GAS7: variants seen among roughly 807,000 people sequenced by gnomAD.
GAS7 encodes the protein growth arrest specific 7.
A neutral mutation model predicts 71.1 loss-of-function variants in GAS7; 28 were observed. That is an observed-to-expected ratio of 0.39 (90% confidence interval 0.29 to 0.54). The LOEUF (loss-of-function observed/expected upper bound fraction) is 0.54. GAS7 is among the 20% of genes least tolerant of loss of function. The probability of loss-of-function intolerance (pLI) is 0.62; values close to 1 mark genes in which losing one functional copy is unlikely to be tolerated. For missense variants in GAS7, 436 were observed against 627.8 expected, an observed-to-expected ratio of 0.69 and a Z score of 3.27; for synonymous variants, 258 against 245.8, an observed-to-expected ratio of 1.05 and a Z score of -0.46.
In GAS7 at chr17:9,946,284, G is replaced by A. The variant is rs570957639; in HGVS notation, c.615+610C>T. Among the ~76,000 whole-genome samples the A allele has an allele frequency of 2.6e-5, 4 of 152,142 alleles. No homozygotes were observed. The East Asian group carries it at 5.8e-4, about 22-fold the overall frequency. ...GAAAAAAATACATCTAGCACACAAC[G>A]GACCATTTTAGCCATTTTTAAGAAT... On this transcript the variant is annotated intron_variant, in intron 6 of 13. Transcript: ENST00000432992.
At position 10,115,731 on chromosome 17, in the gene GAS7, T is replaced by C. The variant is rs117852062; in HGVS notation, c.183+82477A>G. On this transcript the variant is annotated intron_variant, in intron 1 of 13. Coordinates refer to ENST00000432992, the MANE Select transcript of GAS7 (RefSeq NM_201433.2). The stretch of plus-strand genomic sequence containing the variant: ...CTACTGTTGTTAACAACAAGACAAA[T>C]CCTTTGGTCTCCCCCGCCCCTAGTC... Among the ~76,000 whole-genome samples, 1,117 of 152,242 alleles carry C rather than the reference T, an allele frequency of 7.3e-3. 16 individuals carry two copies. Among genetic ancestry groups the C allele is most frequent in the Admixed American group, 0.022 (336 of 15,298 alleles).
chr17:10,049,617 T>C lies in GAS7; in HGVS notation c.184-29720A>G, dbSNP rs1223814383. Among the ~76,000 whole-genome samples, 604 of 125,260 alleles carry C rather than the reference T, an allele frequency of 4.8e-3. 28 individuals are homozygous for C. The highest frequency in any genetic ancestry group is 0.017 in the African/African-American group (569 of 32,554). The allele number at this position is 125,260 out of a possible 152,430, so 82.2% of individuals were successfully genotyped here. A position where few individuals can be genotyped will look rare whatever the true frequency, so the allele number is the denominator to read the frequency against. On this transcript the variant is annotated intron_variant, in intron 1 of 13. Coordinates refer to ENST00000432992, the MANE Select transcript of GAS7 (RefSeq NM_201433.2). ...GTGTTTTGAAATTACTTCTTTTTTT[T>C]TTTTTTTTTTTTTTTTTTTTTGAGA... is the stretch of plus-strand genomic sequence containing the variant.
intron 1 of GAS7, among the ~76,000 whole-genome samples, chr17:10,068,279 G>A (rs2073303647): frequency 1.3e-5 from 2 of 151,992 alleles, no homozygotes; most frequent in Non-Finnish European, 2.9e-5. Context: ...GAACTTCTGC[G>A]GAACCTTTGC....
chr17:10,120,749 G>A (rs1004903785), intron 1 of GAS7, among the ~76,000 whole-genome samples: 2 of 152,114 alleles, frequency 1.3e-5, no homozygotes, highest in Non-Finnish European at 2.9e-5. Flanking sequence ...AAAGCACAGC[G>A]AAGATTCTCA....
At chr17:10,021,775 G>T (rs2072277726) in intron 1 of GAS7, among the ~76,000 whole-genome samples, 1 of 152,204 alleles carries the variant, frequency 6.6e-6, no homozygotes, top group African/African-American at 2.4e-5. Context: ...GACTCTCCAG[G>T]ATTGGAAGAT....
At chr17:10,174,592 C>T (rs373066508) in intron 1 of GAS7, among the ~76,000 whole-genome samples, 8 of 151,818 alleles carry the variant, frequency 5.3e-5, no homozygotes, top group Middle Eastern at 3.4e-3. Flanking sequence ...CTCGGGAGGC[C>T]GAGGCAGGAG....
chr17:10,040,233 A>G (rs1419319055), intron 1 of GAS7, among the ~76,000 whole-genome samples: 5 of 152,226 alleles, frequency 3.3e-5, no homozygotes, highest in Non-Finnish European at 7.3e-5. Context: ...CACAGGGGCA[A>G]TATTCTAGGC....
chr17:9,950,258 A>T (rs2068952948), intron 5 of GAS7, among the ~76,000 whole-genome samples: 1 of 152,190 alleles, frequency 6.6e-6, no homozygotes, highest in East Asian at 1.9e-4. Context: ...CTGTAATCCC[A>T]AGACTTTGGG....
chr17:9,972,372 C>A (rs2070005362), intron 3 of GAS7, among the ~76,000 whole-genome samples: 1 of 152,224 alleles, frequency 6.6e-6, no homozygotes, highest in South Asian at 2.1e-4. Flanking sequence ...ATACACCCTA[C>A]AACGAGGGCA....
intron 1 of GAS7, among the ~76,000 whole-genome samples, chr17:10,082,435 T>C (rs549420566): frequency 1.3e-5 from 2 of 152,154 alleles, no homozygotes; most frequent in East Asian, 1.9e-4. Context: ...TTCAGGAAAA[T>C]ACAAGATAAA....
Position 9,969,642 on chromosome 17 carries a change from G to A in GAS7, c.471+35C>T, listed in dbSNP as rs776210187. 7.8e-7 allele frequency: 1 copy of A among 1,283,466 alleles called. No homozygotes were observed. Among genetic ancestry groups the A allele is most frequent in the Non-Finnish European group, 1.1e-6 (1 of 878,440 alleles). 79.5% of individuals were successfully genotyped at this position (1,283,466 alleles called of 1,614,324 possible). ...GCAGTTTCCTAGGCCTGCAGAAGCA[G>A]TGACCGCTATACCTCCCTCAACAGG... On this transcript the variant is annotated intron_variant, in intron 4 of 13. Transcript: ENST00000432992. The surrounding 1 kb of genome is among the most constrained non-coding windows in gnomAD (Gnocchi z 5.5).
intron 2 of GAS7, among the ~76,000 whole-genome samples, chr17:9,989,225 C>A (rs1251790442): frequency 6.6e-6 from 1 of 152,060 alleles, no homozygotes; most frequent in African/African-American, 2.4e-5. Flanking sequence ...CATTTTCTGG[C>A]CACACTCACC....
intron 1 of GAS7, among the ~76,000 whole-genome samples, chr17:10,088,144 C>T (rs947053005): frequency 5.3e-5 from 8 of 151,340 alleles, no homozygotes; most frequent in African/African-American, 1.9e-4. Flanking sequence ...TCAGTTGAAC[C>T]CAGGAGGCGG....
At chr17:10,148,489 A>G (rs2074138382) in intron 1 of GAS7, among the ~76,000 whole-genome samples, 3 of 150,554 alleles carry the variant, frequency 2.0e-5, no homozygotes, top group Admixed American at 6.6e-5. Flanking sequence ...GTGGTGGTGC[A>G]TGCCTGTAGT....
At chr17:10,031,184 C>T (rs570812414) in intron 1 of GAS7, among the ~76,000 whole-genome samples, 1 of 152,350 alleles carries the variant, frequency 6.6e-6, no homozygotes, top group South Asian at 2.1e-4. Flanking sequence ...AGCCACCCTG[C>T]AAACCCCCAG....
At chr17:10,007,379 C>T (rs906610484) in intron 2 of GAS7, among the ~76,000 whole-genome samples, 2 of 152,064 alleles carry the variant, frequency 1.3e-5, no homozygotes, top group African/African-American at 4.8e-5. Flanking sequence ...ATTCCCAGCA[C>T]TTTGAGAGGG....
chr17:9,954,886 G>A (rs1424827665), intron 5 of GAS7, among the ~76,000 whole-genome samples: 2 of 152,158 alleles, frequency 1.3e-5, no homozygotes, highest in African/African-American at 4.8e-5. Flanking sequence ...CAGTCCCTTC[G>A]GAGAGAGGGA....
intron 1 of GAS7, among the ~76,000 whole-genome samples, chr17:10,116,686 A>C (rs1306317218): frequency 6.6e-6 from 1 of 152,172 alleles, no homozygotes; most frequent in African/African-American, 2.4e-5. Flanking sequence ...ATTCATTCAT[A>C]TTCATTCATT....
intron 2 of GAS7, among the ~76,000 whole-genome samples, chr17:10,008,204 T>A (rs1292446559): frequency 6.6e-6 from 1 of 151,324 alleles, no homozygotes; most frequent in Admixed American, 6.6e-5. Context: ...GCATGCACAC[T>A]TTTTGTGTGG....
Sources: allele counts gnomAD v4.1 joint callset (sites outside exome capture counted in the v4.1 genomes callset), GRCh38; gene constraint gnomAD v4.1.1; non-coding constraint Gnocchi (gnomAD v3.1); transcripts MANE v1.5; gene names NCBI Gene and HGNC (gene_info 2026-07-23, HGNC 2026-07-21).